The following SPRED2 variants were observed in gnomAD, a reference collection of about 807,000 sequenced individuals.
The protein encoded by SPRED2 is sprouty-related, EVH1 domain-containing protein 2.
Under a neutral mutation model 43.0 loss-of-function variants are expected in SPRED2, and 47 were observed. That is an observed-to-expected ratio of 1.09 (90% CI 0.87 to 1.40). The LOEUF is 1.40. Ranked by LOEUF, SPRED2 falls within the 40% of genes most tolerant of loss-of-function variation. The pLI, the probability that SPRED2 is intolerant of heterozygous loss-of-function variation, is 0.00. For synonymous variants in SPRED2, 225 were observed against 225.7 expected, an observed-to-expected ratio of 1.00 and a Z score of 0.03; for missense variants, 561 against 586.4, an observed-to-expected ratio of 0.96 and a Z score of 0.45.
At chr2:65,384,952 A>G (rs1196302779) in intron 1 of SPRED2, among the ~76,000 whole-genome samples, 1 of 149,868 alleles carries the variant, frequency 6.7e-6, no homozygotes, top group Non-Finnish European at 1.5e-5. Flanking sequence ...TATGTTCACT[A>G]GAAATTTTGC....
At chr2:65,364,108 C>T (rs1490421971) in intron 1 of SPRED2, among the ~76,000 whole-genome samples, 1 of 152,104 alleles carries the variant, frequency 6.6e-6, no homozygotes, top group Non-Finnish European at 1.5e-5. Context: ...GATTTCCATC[C>T]AAGCAGAGTT....
At chr2:65,323,204 A>G (rs1196491484) in intron 4 of SPRED2, among the ~76,000 whole-genome samples, 1 of 152,172 alleles carries the variant, frequency 6.6e-6, no homozygotes, top group Non-Finnish European at 1.5e-5. Flanking sequence ...CATGTTGGCC[A>G]GGCTGGTCTC....
intron 1 of SPRED2, among the ~76,000 whole-genome samples, chr2:65,391,191 T>G (rs1675627674): frequency 2.3e-5 from 2 of 85,578 alleles, no homozygotes; most frequent in South Asian, 9.1e-4. Flanking sequence ...CTCACCTTAA[T>G]GTGTACACAC....
intron 1 of SPRED2, among the ~76,000 whole-genome samples, chr2:65,401,941 A>C (rs56127316): frequency 1.1e-5 from 1 of 88,746 alleles, no homozygotes; most frequent in Non-Finnish European, 2.4e-5. Context: ...GCGCGCGCAC[A>C]CACACACACA....
intron 2 of SPRED2, among the ~76,000 whole-genome samples, chr2:65,343,443 T>C (rs1466444213): frequency 6.6e-6 from 1 of 152,222 alleles, no homozygotes; most frequent in African/African-American, 2.4e-5. Flanking sequence ...TTTTTTAAAC[T>C]ATAAGAAGTG....
At chr2:65,308,503 T>C, downstream of SPRED2, 1 of 985,404 alleles carries the variant, frequency 1.0e-6, no homozygotes, top group East Asian at 1.1e-4. Context: ...CACAAAATAT[T>C]GATAATGCGC....
chr2:65,390,044 C>A (rs556564279), intron 1 of SPRED2, among the ~76,000 whole-genome samples: 7 of 152,300 alleles, frequency 4.6e-5, no homozygotes, highest in Admixed American at 4.6e-4. Context: ...CACCCCTTTC[C>A]TATGTTTGGA....
At chr2:65,376,227 C>T (rs549414473) in intron 1 of SPRED2, among the ~76,000 whole-genome samples, 24 of 152,260 alleles carry the variant, frequency 1.6e-4, no homozygotes, top group South Asian at 1.5e-3. Flanking sequence ...GAAGGGGAAA[C>T]GCCCATGGGC....
At chr2:65,421,058 G>C (rs969104321) in intron 1 of SPRED2, among the ~76,000 whole-genome samples, 15 of 152,190 alleles carry the variant, frequency 9.9e-5, no homozygotes, top group African/African-American at 3.6e-4. Flanking sequence ...TTGTCTGACA[G>C]TCAGACATTA....
At chr2:65,367,575 A>C (rs1031158614) in intron 1 of SPRED2, among the ~76,000 whole-genome samples, 7 of 152,212 alleles carry the variant, frequency 4.6e-5, no homozygotes, top group African/African-American at 1.7e-4. Flanking sequence ...TGGGAGCTGA[A>C]CTTGAAGTTG....
chr2:65,366,500 C>T (rs1674982537), intron 1 of SPRED2: 1 of 1,392,938 alleles, frequency 7.2e-7, no homozygotes, highest in Non-Finnish European at 9.9e-7. Context: ...AAATTTTCTC[C>T]TTTAAAAAAA....
At chr2:65,355,439 A>C (rs1283435476) in intron 1 of SPRED2, among the ~76,000 whole-genome samples, 2 of 152,146 alleles carry the variant, frequency 1.3e-5, no homozygotes, top group African/African-American at 4.8e-5. Flanking sequence ...ATTTATGGCC[A>C]AGTGTGGTTG....
intron 1 of SPRED2, among the ~76,000 whole-genome samples, chr2:65,431,507 TGGC>T (rs778832254): frequency 3.1e-4 from 47 of 152,162 alleles, no homozygotes; most frequent in Non-Finnish European, 6.0e-4. Context: ...GAAAACGAAA[TGGC>T]GGAGCCTAGG....
chr2:65,357,970 C>T (rs1674704989), intron 1 of SPRED2, among the ~76,000 whole-genome samples: 2 of 149,960 alleles, frequency 1.3e-5, no homozygotes, highest in Admixed American at 1.3e-4. Flanking sequence ...GATCCCTTTT[C>T]ATGCTTTGTG....
chr2:65,391,802 A>T (rs977367856), intron 1 of SPRED2, among the ~76,000 whole-genome samples: 1 of 152,230 alleles, frequency 6.6e-6, no homozygotes, highest in African/African-American at 2.4e-5. Context: ...GGGCATGAAA[A>T]ATGTTCCCTC....
intron 1 of SPRED2, among the ~76,000 whole-genome samples, chr2:65,412,827 G>A (rs1444126110): frequency 1.3e-5 from 2 of 152,162 alleles, no homozygotes; most frequent in African/African-American, 4.8e-5. Context: ...AACTCCACAG[G>A]AAGATGGATT....
chr2:65,320,181 C>T (rs1471797170), intron 4 of SPRED2, among the ~76,000 whole-genome samples: 19 of 152,160 alleles, frequency 1.2e-4, no homozygotes, highest in Admixed American at 1.2e-3. Context: ...CCAACAGCCA[C>T]GTTACAGTCA....
intron 2 of SPRED2, among the ~76,000 whole-genome samples, chr2:65,334,993 A>T (rs1248697471): frequency 6.6e-6 from 1 of 152,060 alleles, no homozygotes; most frequent in Non-Finnish European, 1.5e-5. Context: ...GTACCCCTTC[A>T]CTACACTCTC....
chr2:65,380,124 T>C (rs1029475878), intron 1 of SPRED2, among the ~76,000 whole-genome samples: 1 of 152,210 alleles, frequency 6.6e-6, no homozygotes, highest in African/African-American at 2.4e-5. Flanking sequence ...TCATAAGGTA[T>C]AGAGAAACCT....
Sources: gnomAD v4.1 joint callset for allele counts (sites outside exome capture counted in the v4.1 genomes callset) on GRCh38, gnomAD v4.1.1 for gene constraint, MANE v1.5 for transcripts, NCBI Gene and HGNC (gene_info 2026-07-23, HGNC 2026-07-21) for gene names.